The following EYS variants were observed in gnomAD, a reference collection of about 807,000 sequenced individuals.
EYS encodes the protein EGF-like photoreceptor maintenance factor.
In EYS, 250 loss-of-function variants were observed where a neutral mutation model predicts 282.1. The ratio of observed to expected loss-of-function variants is 0.89; its 90% CI spans 0.80 to 0.98. The LOEUF (loss-of-function observed/expected upper bound fraction) is 0.98, where lower values mean the gene tolerates loss of function less well. EYS is among the 50% of genes least tolerant of loss of function. The probability of loss-of-function intolerance (pLI) is 0.00; values close to 1 mark genes in which losing one functional copy is unlikely to be tolerated. For missense variants in EYS, 4,016 were observed against 3,709.0 expected (o/e 1.08, Z -2.15); for synonymous variants, 1,355 against 1,282.9 (o/e 1.06, Z -1.20).
intron 35 of EYS, among the ~76,000 whole-genome samples, chr6:63,891,368 C>T (rs774564082): frequency 2.0e-5 from 3 of 152,158 alleles, no homozygotes; most frequent in African/African-American, 4.8e-5. Context: ...TCCAGCAGCA[C>T]ATTAAAAAGC....
At chr6:64,064,450 C>T (rs1771292932) in intron 33 of EYS, among the ~76,000 whole-genome samples, 1 of 152,102 alleles carries the variant, frequency 6.6e-6, no homozygotes, top group Non-Finnish European at 1.5e-5. Context: ...ATATATAGTC[C>T]TAGGGTCAGC....
At chr6:64,068,407 G>A (rs771731017) in intron 32 of EYS, among the ~76,000 whole-genome samples, 6 of 151,090 alleles carry the variant, frequency 4.0e-5, no homozygotes, top group Non-Finnish European at 8.8e-5. Context: ...AATCTCAAGG[G>A]TGAGTTTTGA....
chr6:64,733,868 C>A, intron 22 of EYS: 1 of 157,876 alleles, frequency 6.3e-6, no homozygotes, highest in South Asian at 2.0e-4. Context: ...GACTTAGTCT[C>A]ACTCATATCC....
chr6:64,191,764 T>C (rs1472394650), intron 31 of EYS, among the ~76,000 whole-genome samples: 1 of 151,876 alleles, frequency 6.6e-6, no homozygotes, highest in Non-Finnish European at 1.5e-5. Context: ...GTCTTTGCTA[T>C]TGTGAATAGT....
At chr6:64,714,816 A>G (rs1020027433) in intron 22 of EYS, among the ~76,000 whole-genome samples, 1 of 152,062 alleles carries the variant, frequency 6.6e-6, no homozygotes, top group African/African-American at 2.4e-5. Context: ...GTGAGCCACC[A>G]TGCCCGGCCT....
At chr6:64,715,661 G>A (rs527823626) in intron 22 of EYS, among the ~76,000 whole-genome samples, 2 of 152,262 alleles carry the variant, frequency 1.3e-5, no homozygotes, top group African/African-American at 4.8e-5. Flanking sequence ...TACCAACTGG[G>A]AGAAAGAAGA....
intron 12 of EYS, among the ~76,000 whole-genome samples, chr6:65,184,078 C>T (rs1040361633): frequency 1.3e-5 from 2 of 151,864 alleles, no homozygotes; most frequent in Admixed American, 1.3e-4. Context: ...GTTATAAATA[C>T]TTTCAGAATA....
intron 8 of EYS, among the ~76,000 whole-genome samples, chr6:65,368,938 G>A (rs146454671): frequency 4.5e-4 from 68 of 151,442 alleles, no homozygotes; most frequent in Middle Eastern, 6.8e-3. Flanking sequence ...ATGATCGTAT[G>A]GTATTATTGA....
rs1768906781 is a variant in EYS, at chr6:64,016,637, G to A, written c.6726-17454C>T. ...ACTACAGGCATACATCACTATGCCT[G>A]GCTAATTTTTGTATTTTCTGTAGGG... On this transcript the variant is annotated intron_variant, in intron 33 of 42. Transcript: ENST00000503581. Among the ~76,000 whole-genome samples, 5 of 151,904 alleles carry A rather than the reference G, an allele frequency of 3.3e-5. No individual in the cohort carries two copies. The South Asian group carries it at 1.0e-3, about 32-fold the overall frequency.
chr6:64,928,269 ACTT>A (rs1562262630), intron 15 of EYS, among the ~76,000 whole-genome samples: 1 of 152,122 alleles, frequency 6.6e-6, no homozygotes, highest in African/African-American at 2.4e-5. Context: ...TTTTTTAAGA[ACTT>A]AATATCAAAT....
intron 29 of EYS, among the ~76,000 whole-genome samples, chr6:64,347,556 A>G (rs1771456090): frequency 6.7e-6 from 1 of 150,194 alleles, no homozygotes; most frequent in Non-Finnish European, 1.5e-5. Flanking sequence ...TTGTCATACT[A>G]CTCTATCTAC....
intron 21 of EYS, among the ~76,000 whole-genome samples, chr6:64,818,037 A>G (rs1022957133): frequency 6.6e-6 from 1 of 152,142 alleles, no homozygotes. Flanking sequence ...CGATTTTTAA[A>G]TTCTGTAATT....
At chr6:65,125,881 C>G (rs1003215385) in intron 12 of EYS, among the ~76,000 whole-genome samples, 4 of 152,084 alleles carry the variant, frequency 2.6e-5, no homozygotes, top group African/African-American at 7.2e-5. Flanking sequence ...AGTAACAAAA[C>G]TTTTTGTGCG....
At position 64,944,639 on chromosome 6, in the gene EYS, T is replaced by G. The variant is rs149515958; in HGVS notation, c.2381+1154A>C. ...CTGACCGTCCCCCAGCCCAACACCCTTAAAGGGTCTGTGCTGAGGAGGATT... is the reference window on the plus strand; with the variant it reads ...CTGACCGTCCCCCAGCCCAACACCCGTAAAGGGTCTGTGCTGAGGAGGATT... On this transcript the variant is annotated intron_variant, in intron 15 of 42. Transcript: ENST00000503581. Among the ~76,000 whole-genome samples, 1,078 of 152,054 alleles carry G rather than the reference T, an allele frequency of 7.1e-3. 10 individuals carry two copies. Among genetic ancestry groups the G allele is most frequent in the South Asian group, 0.062 (296 of 4,812 alleles).
intron 31 of EYS, among the ~76,000 whole-genome samples, chr6:64,216,818 C>A (rs1392115248): frequency 1.3e-5 from 2 of 152,090 alleles, no homozygotes; most frequent in Non-Finnish European, 2.9e-5. Flanking sequence ...TCATGTTAGA[C>A]CTGAGCATCA....
chr6:64,344,420 C>T (rs9444751), intron 29 of EYS, among the ~76,000 whole-genome samples: 94,913 of 151,710 alleles, frequency 0.63, 30,440 homozygotes, highest in South Asian at 0.71. Context: ...AATCAATAAA[C>T]GTAATCCAGC....
intron 31 of EYS, among the ~76,000 whole-genome samples, chr6:64,093,890 T>A (rs951548204): frequency 2.0e-5 from 3 of 152,188 alleles, no homozygotes; most frequent in African/African-American, 7.2e-5. Flanking sequence ...TGGCTGTGGA[T>A]TTGTCATAGA....
intron 33 of EYS, among the ~76,000 whole-genome samples, chr6:64,054,933 G>A (rs1314519056): frequency 6.6e-6 from 1 of 152,170 alleles, no homozygotes; most frequent in African/African-American, 2.4e-5. Flanking sequence ...GAAGTTTTCA[G>A]CACATGCTTT....
chr6:65,594,542 G>A (rs2149786574), intron 2 of EYS, among the ~76,000 whole-genome samples: 1 of 151,870 alleles, frequency 6.6e-6, no homozygotes, highest in East Asian at 1.9e-4. Context: ...ATATCTCTTA[G>A]CCTGACGTTC....
Sources: gnomAD v4.1 joint callset for allele counts (sites outside exome capture counted in the v4.1 genomes callset) on GRCh38, gnomAD v4.1.1 for gene constraint, MANE v1.5 for transcripts, NCBI Gene and HGNC (gene_info 2026-07-23, HGNC 2026-07-21) for gene names.